Variants in TP53BP1 observed in about 807,000 individuals in gnomAD.
TP53BP1 encodes TP53-binding protein 1.
A neutral mutation model predicts 200.8 loss-of-function variants in TP53BP1; 61 were observed. The observed-to-expected ratio is 0.30, with a 90% CI of 0.25 to 0.38. The LOEUF (loss-of-function observed/expected upper bound fraction) is 0.38. Ranked by LOEUF, TP53BP1 falls within the 10% of genes least tolerant of loss-of-function variation. The pLI is 1.00. For synonymous variants in TP53BP1, 822 were observed against 844.3 expected, an observed-to-expected ratio of 0.97 and a Z score of 0.46; for missense variants, 2,144 against 2,371.9, an observed-to-expected ratio of 0.90 and a Z score of 2.00.
intron 21 of TP53BP1, among the ~76,000 whole-genome samples, chr15:43,419,514 C>CA (rs1236355019): frequency 2.7e-5 from 4 of 150,776 alleles, no homozygotes; most frequent in Admixed American, 2.7e-4. Flanking sequence ...CATGTGCCCC[C>CA]ATGCCCAGCT....
intron 11 of TP53BP1, among the ~76,000 whole-genome samples, chr15:43,459,032 T>C (rs2046366882): frequency 6.6e-6 from 1 of 152,120 alleles, no homozygotes; most frequent in South Asian, 2.1e-4. Flanking sequence ...ATCACAGAAT[T>C]ATTATTCGTA....
Position 43,403,819 on chromosome 15 carries a change from T to A in TP53BP1, c.*3564A>T, listed in dbSNP as rs1423632296. The A allele has an allele frequency of 1.9e-6, 3 of 1,581,058 alleles. No individual in the cohort carries two copies. In the African/African-American group the frequency reaches 4.0e-5, roughly 21 times the overall value. ...GTGAAGGTGCGTCTGCCTGGAAGTA[T>A]GCAGCCTTGCCGAAAGGACAGAGGT... On this transcript the variant is annotated 3_prime_UTR_variant, in exon 28 of 28. Transcript: ENST00000382044.
intron 14 of TP53BP1, among the ~76,000 whole-genome samples, chr15:43,445,799 T>C (rs556675547): frequency 6.6e-6 from 1 of 152,308 alleles, no homozygotes; most frequent in South Asian, 2.1e-4. Flanking sequence ...CCTCACTTTC[T>C]GGTTAAAGAC....
chr15:43,504,534 C>T (rs1367746154), intron 1 of TP53BP1, among the ~76,000 whole-genome samples: 1 of 152,142 alleles, frequency 6.6e-6, no homozygotes, highest in Non-Finnish European at 1.5e-5. Context: ...GGTTTGAGTT[C>T]GGTCATATCC....
At chr15:43,502,139 G>A (rs2079212325) in intron 1 of TP53BP1, among the ~76,000 whole-genome samples, 1 of 151,870 alleles carries the variant, frequency 6.6e-6, no homozygotes, top group South Asian at 2.1e-4. Context: ...GGCAATACAG[G>A]GAGGCCTTAT....
In TP53BP1 at chr15:43,446,590, C is replaced by A; in HGVS notation, c.2837G>T (p.Gly946Val). ...GGTGCTTTCTGGATAGTTGCTAATA[C>A]CTGAAAGAAGTGAGGCAGGGAGGAA... Reference protein sequence around the residue: ...LEPKRHSTPIGISNYPESTIA... With the variant: ...LEPKRHSTPIVISNYPESTIA... The change falls in exon 14 of 28, where the codon GGT becomes GTT. Residue 946 changes from glycine to valine, a missense_variant and splice_region_variant. Around this residue, in one of 4 missense-constraint regions of TP53BP1, gnomAD observed 1,700 missense variants for 1,710.3 expected, o/e 0.99. Coordinates refer to ENST00000382044, the MANE Select transcript of TP53BP1 (RefSeq NM_001141980.3). 1.9e-6 allele frequency: 3 copies of A among 1,611,358 alleles called. No homozygotes were observed. The highest frequency in any genetic ancestry group is 2.5e-6 in the Non-Finnish European group (3 of 1,178,386).
chr15:43,467,210 C>A (rs868100624), intron 11 of TP53BP1, among the ~76,000 whole-genome samples: 1 of 151,956 alleles, frequency 6.6e-6, no homozygotes, highest in South Asian at 2.1e-4. Flanking sequence ...GGACTACAGG[C>A]ACACACCACC....
At chr15:43,414,447 T>C (rs984126616) in intron 23 of TP53BP1, among the ~76,000 whole-genome samples, 11 of 152,112 alleles carry the variant, frequency 7.2e-5, no homozygotes, top group South Asian at 2.1e-4. Flanking sequence ...TTCAAATACA[T>C]AGGAAACAAA....
At chr15:43,451,509 C>T (rs571976535) in intron 12 of TP53BP1, among the ~76,000 whole-genome samples, 59 of 152,226 alleles carry the variant, frequency 3.9e-4, no homozygotes, top group African/African-American at 1.3e-3. Flanking sequence ...ACAAAGGACA[C>T]GAACTCATCA....
intron 27 of TP53BP1, 179 bp from the exon 28 acceptor site, chr15:43,407,749 T>G (rs1452177617): frequency 6.4e-6 from 5 of 782,182 alleles, no homozygotes; most frequent in African/African-American, 1.7e-5. Flanking sequence ...GTGCTGACCT[T>G]GTAGAAATAT....
At position 43,491,690 on chromosome 15, in the gene TP53BP1, G is replaced by A; in HGVS notation, c.350C>T (p.Pro117Leu). The change falls in exon 4 of 28, where the codon CCT (proline) becomes CTT (leucine). Residue 117 changes from proline to leucine, a missense_variant. This residue lies in a region of TP53BP1 where 1,700 missense variants were observed against 1,710.3 expected (regional missense o/e 0.99). Coordinates refer to ENST00000382044, the MANE Select transcript of TP53BP1 (RefSeq NM_001141980.3). ...GSISQVIEQL[P>L]QPNRTSSVLG... ...ATACCTGCTTGTCCTGTTTGGCTGAGGTAACTGCTCAATGACCTGACTGAT... is the reference window on the plus strand; with the variant it reads ...ATACCTGCTTGTCCTGTTTGGCTGAAGTAACTGCTCAATGACCTGACTGAT... The A allele has an allele frequency of 6.2e-7, 1 of 1,613,828 alleles. No homozygotes were observed. Among genetic ancestry groups the A allele is most frequent in the South Asian group, 1.1e-5 (1 of 91,068 alleles).
chr15:43,491,632 T>A, intron 4 of TP53BP1, 37 bp downstream of exon 4: 2 of 1,436,588 alleles, frequency 1.4e-6, no homozygotes, highest in Non-Finnish European at 2.0e-6. Context: ...ACAAATCTGA[T>A]AATACATTTA....
At chr15:43,410,372 G>T (rs977240820) in intron 24 of TP53BP1, among the ~76,000 whole-genome samples, 1 of 152,072 alleles carries the variant, frequency 6.6e-6, no homozygotes, top group African/African-American at 2.4e-5. Context: ...TGATGATCTT[G>T]AAGTACCTCA....
Position 43,407,574 on chromosome 15 carries a change from C to T in TP53BP1, c.5747-4G>A, listed in dbSNP as rs757226800. On this transcript the variant is annotated splice_polypyrimidine_tract_variant and splice_region_variant and intron_variant, in intron 27 of 27. Coordinates refer to ENST00000382044, the MANE Select transcript of TP53BP1 (RefSeq NM_001141980.3). ...TCAAATACCCCTAAAGCAATATCTG[C>T]AAGGAGCAAGGGAAAGTGAAGAAGG... The T allele has an allele frequency of 6.2e-7, 1 of 1,608,880 alleles. No homozygotes were observed. The highest frequency in any genetic ancestry group is 1.1e-5 in the South Asian group (1 of 90,672).
intron 10 of TP53BP1, among the ~76,000 whole-genome samples, chr15:43,471,330 T>G (rs142458894): frequency 3.6e-4 from 55 of 152,344 alleles, no homozygotes; most frequent in South Asian, 6.2e-4. Flanking sequence ...TGTAGCTATA[T>G]CTGGAGTGTA....
intron 11 of TP53BP1, among the ~76,000 whole-genome samples, chr15:43,469,426 G>A (rs1034642007): frequency 2.6e-5 from 4 of 152,032 alleles, no homozygotes; most frequent in African/African-American, 9.7e-5. Context: ...TTAAAGTTGT[G>A]CTATATAAAC....
chr15:43,442,039 T>C (rs963424081), intron 14 of TP53BP1, among the ~76,000 whole-genome samples: 6 of 151,864 alleles, frequency 4.0e-5, no homozygotes, highest in Non-Finnish European at 7.4e-5. Flanking sequence ...GACAACAGTC[T>C]CGCTCTGTCA....
chr15:43,446,513 T>C lies in TP53BP1; in HGVS notation c.2914A>G (p.Ile972Val), dbSNP rs778342737. Reference protein sequence around the residue: ...SESMVETHDPILGSGKGDSGA... With the variant: ...SESMVETHDPVLGSGKGDSGA... ...GAATCCCCTTTTCCACTCCCAAGTA[T>C]GGGATCATGGGTCTCCACCATGCTT... Residue 972 changes from isoleucine to valine, a missense_variant, in exon 14 of 28, where the codon ATA (isoleucine) becomes GTA (valine). Physicochemically the swap from Ile to Val is conservative, Grantham distance 29. This residue lies in a region of TP53BP1 where 1,700 missense variants were observed against 1,710.3 expected (regional missense o/e 0.99). Coordinates refer to ENST00000382044, the MANE Select transcript of TP53BP1 (RefSeq NM_001141980.3). 5 of 1,614,170 alleles carry C rather than the reference T, an allele frequency of 3.1e-6. No homozygotes were observed. In the Admixed American group the frequency reaches 5.0e-5, roughly 16 times the overall value.
intron 12 of TP53BP1, among the ~76,000 whole-genome samples, chr15:43,449,034 G>A (rs1178942774): frequency 1.5e-5 from 2 of 133,948 alleles, no homozygotes; most frequent in Admixed American, 1.4e-4. Context: ...GGCTGAGGCA[G>A]GAGAACTGCT....
Sources: gnomAD v4.1 joint callset for allele counts (sites outside exome capture counted in the v4.1 genomes callset) on GRCh38, gnomAD v4.1.1 for gene constraint, gnomAD v4.1.1 regional missense constraint, MANE v1.5 for transcripts, NCBI Gene and HGNC (gene_info 2026-07-23, HGNC 2026-07-21) for gene names.